NUMB: variants seen among roughly 807,000 people sequenced by gnomAD.
The protein encoded by NUMB is protein numb homolog.
In NUMB, 29 loss-of-function variants were observed where a neutral mutation model predicts 59.7. That is an observed-to-expected ratio of 0.49 (90% CI 0.36 to 0.66). NUMB has a LOEUF of 0.66. Ranked by LOEUF, NUMB falls within the 30% of genes least tolerant of loss-of-function variation. The pLI is 0.00. For missense variants in NUMB, 723 were observed against 822.0 expected, an observed-to-expected ratio of 0.88 and a Z score of 1.47; for synonymous variants, 288 against 288.2, an observed-to-expected ratio of 1.00 and a Z score of 0.01.
intron 7 of NUMB, among the ~76,000 whole-genome samples, chr14:73,295,893 T>A (rs1347653177): frequency 6.6e-6 from 1 of 152,144 alleles, no homozygotes; most frequent in African/African-American, 2.4e-5. Flanking sequence ...TGATTTGAGA[T>A]ATTATTTGGA....
chr14:73,279,634 T>C (rs931796017), intron 11 of NUMB, among the ~76,000 whole-genome samples: 8 of 152,238 alleles, frequency 5.3e-5, no homozygotes, highest in Admixed American at 5.2e-4. Context: ...TAAATGGTTG[T>C]ATAGATAAAG....
intron 10 of NUMB, among the ~76,000 whole-genome samples, chr14:73,283,361 G>C (rs987754054): frequency 6.6e-6 from 1 of 152,200 alleles, no homozygotes; most frequent in African/African-American, 2.4e-5. Context: ...ATGGCCTATT[G>C]AGACAGTTTC....
Position 73,323,202 on chromosome 14 carries a change from G to A in NUMB, c.129C>T (p.Tyr43=), listed in dbSNP as rs769671281. 8.1e-6 allele frequency: 13 copies of A among 1,610,406 alleles called. No individual in the cohort carries two copies. In the African/African-American group the frequency reaches 1.7e-4, roughly 22 times the overall value. Reference sequence around the variant, plus strand: ...ATTCATCAACTTCTACATGGCCAAGGTACTGTAGAAAGAAGGAAAAGTTAG... The same window carrying A: ...ATTCATCAACTTCTACATGGCCAAGATACTGTAGAAAGAAGGAAAAGTTAG... ...RTGKCSFPVK[Y]LGHVEVDESR... The change falls in exon 5 of 13, where the codon TAC becomes TAT. Residue 43 remains tyrosine, a splice_region_variant and synonymous_variant. Coordinates refer to ENST00000555238, the MANE Select transcript of NUMB (RefSeq NM_001005743.2).
intron 2 of NUMB, among the ~76,000 whole-genome samples, chr14:73,400,425 G>C (rs1220750207): frequency 6.6e-6 from 1 of 152,208 alleles, no homozygotes; most frequent in African/African-American, 2.4e-5. Flanking sequence ...TAAGGACTTA[G>C]GGTGAAAATA....
At chr14:73,416,701 T>G (rs1355713118) in intron 1 of NUMB, among the ~76,000 whole-genome samples, 1 of 151,914 alleles carries the variant, frequency 6.6e-6, no homozygotes, top group Non-Finnish European at 1.5e-5. Context: ...ATTAGCCAGG[T>G]GTGGTGGCAC....
rs1054809849 is a variant in NUMB at position 73,275,809 on chromosome 14, A to C, written c.*769T>G. ...ATGACTGACAGAAAACAAGCTAGGG[A>C]TCCTGTCTGCAGCTTCCAGCCTTTC... On this transcript the variant is annotated 3_prime_UTR_variant, in exon 13 of 13. Coordinates refer to ENST00000555238, the MANE Select transcript of NUMB (RefSeq NM_001005743.2). 6.6e-6 allele frequency: 1 copy of C among 152,640 alleles called. No individual in the cohort carries two copies. Among genetic ancestry groups the C allele is most frequent in the Admixed American group, 6.5e-5 (1 of 15,272 alleles). The allele number at this position is 152,640 out of a possible 1,614,324, so 9.5% of individuals were successfully genotyped here. A position where few individuals can be genotyped will look rare whatever the true frequency, so the allele number is the denominator to read the frequency against.
rs189720698 is a variant in NUMB at position 73,354,372 on chromosome 14, G to A, written c.126+1254C>T. Among the ~76,000 whole-genome samples, 89 of 151,862 alleles carry A rather than the reference G, an allele frequency of 5.9e-4. 1 individual carries two copies. The highest frequency in any genetic ancestry group is 2.1e-3 in the African/African-American group (85 of 41,424). ...AAAAATACAAAAAAATTAGCTGGGC[G>A]TGGTGGTGCATGCCTGTAGTCCCAG... is the stretch of plus-strand genomic sequence containing the variant. On this transcript the variant is annotated intron_variant, in intron 4 of 12. Coordinates refer to ENST00000555238, the MANE Select transcript of NUMB (RefSeq NM_001005743.2).
chr14:73,425,232 A>T (rs1046334252), intron 1 of NUMB, among the ~76,000 whole-genome samples: 1 of 152,240 alleles, frequency 6.6e-6, no homozygotes, highest in Non-Finnish European at 1.5e-5. Flanking sequence ...TATCAATTAC[A>T]TGAATATTTC....
chr14:73,317,297 T>TGTTG (rs111862313), intron 5 of NUMB, among the ~76,000 whole-genome samples: 1 of 151,602 alleles, frequency 6.6e-6, no homozygotes, highest in Non-Finnish European at 1.5e-5. Context: ...ATTATTTGGT[T>TGTTG]TTTGTTTGTT....
chr14:73,323,301 C>T (rs973623392), intron 4 of NUMB, 97 bp from the exon 5 acceptor site: 4 of 759,868 alleles, frequency 5.3e-6, no homozygotes, highest in South Asian at 1.9e-5. Flanking sequence ...GTTGAACATT[C>T]CAAATCTGAA....
chr14:73,420,397 T>C (rs919734408), intron 1 of NUMB, among the ~76,000 whole-genome samples: 2 of 152,272 alleles, frequency 1.3e-5, no homozygotes, highest in South Asian at 2.1e-4. Flanking sequence ...AAAAACACAC[T>C]GGAAAAGATA....
chr14:73,397,692 A>G (rs1896203160), intron 2 of NUMB, among the ~76,000 whole-genome samples: 1 of 152,180 alleles, frequency 6.6e-6, no homozygotes, highest in South Asian at 2.1e-4. Flanking sequence ...TTTTATAATA[A>G]AAATCTATTA....
chr14:73,359,366 A>C (rs1406586605), intron 3 of NUMB, among the ~76,000 whole-genome samples: 1 of 152,158 alleles, frequency 6.6e-6, no homozygotes, highest in Non-Finnish European at 1.5e-5. Flanking sequence ...AATAACAATA[A>C]AGCATGTTAA....
chr14:73,337,492 A>G (rs1408456969), intron 4 of NUMB, among the ~76,000 whole-genome samples: 1 of 152,082 alleles, frequency 6.6e-6, no homozygotes, highest in Non-Finnish European at 1.5e-5. Context: ...ACAGAGCACA[A>G]CTCTTGTCTC....
intron 2 of NUMB, among the ~76,000 whole-genome samples, chr14:73,403,398 C>G (rs911574794): frequency 6.6e-6 from 1 of 152,204 alleles, no homozygotes; most frequent in Non-Finnish European, 1.5e-5. Flanking sequence ...CTGTAAGTAA[C>G]TTCCTGGCTA....
chr14:73,323,605 TA>T (rs1891515359), intron 4 of NUMB, among the ~76,000 whole-genome samples: 1 of 152,178 alleles, frequency 6.6e-6, no homozygotes, highest in South Asian at 2.1e-4. Context: ...TCTCTACACA[TA>T]AAAGTAATCC....
intron 6 of NUMB, 81 bp from the exon 7 acceptor site, chr14:73,297,366 G>T: frequency 2.2e-6 from 2 of 895,224 alleles, no homozygotes; most frequent in Non-Finnish European, 3.6e-6. Flanking sequence ...AGAAAACACT[G>T]ACTCTGCCTT....
chr14:73,450,466 T>C lies in NUMB; in HGVS notation c.-233+8027A>G, dbSNP rs1461434807. 8.5e-5 allele frequency among the ~76,000 whole-genome samples: 13 copies of C among 152,128 alleles called. 1 individual carries two copies. Among genetic ancestry groups the C allele is most frequent in the Admixed American group, 8.5e-4 (13 of 15,258 alleles). Reference sequence around the variant, plus strand: ...TTCTATGGTTCTGTGAGATACTAGTTTGGAGGAAAAAAAAGTTTTATCTTG... The same window carrying C: ...TTCTATGGTTCTGTGAGATACTAGTCTGGAGGAAAAAAAAGTTTTATCTTG... On this transcript the variant is annotated intron_variant, in intron 1 of 12. Coordinates refer to ENST00000555238, the MANE Select transcript of NUMB (RefSeq NM_001005743.2).
At chr14:73,393,138 G>A (rs1895938892) in intron 2 of NUMB, among the ~76,000 whole-genome samples, 1 of 152,196 alleles carries the variant, frequency 6.6e-6, no homozygotes, top group Admixed American at 6.6e-5. Flanking sequence ...AAGTGTCTAT[G>A]TGAACAGTGC....
Sources: gnomAD v4.1 joint callset for allele counts (sites outside exome capture counted in the v4.1 genomes callset) on GRCh38, gnomAD v4.1.1 for gene constraint, MANE v1.5 for transcripts, NCBI Gene and HGNC (gene_info 2026-07-23, HGNC 2026-07-21) for gene names.